Variants in EIF2B3 observed in about 807,000 individuals in gnomAD.
EIF2B3 encodes eukaryotic translation initiation factor 2B subunit gamma.
EIF2B3 carries 20 observed loss-of-function variants against 54.1 expected under a neutral mutation model. That is an observed-to-expected ratio of 0.37 (90% CI 0.26 to 0.54). The LOEUF (loss-of-function observed/expected upper bound fraction) is 0.54. EIF2B3 is among the 20% of genes least tolerant of loss of function. EIF2B3 has a pLI of 0.86. For missense variants in EIF2B3, 448 were observed against 547.8 expected, an observed-to-expected ratio of 0.82 and a Z score of 1.82; for synonymous variants, 153 against 188.1, an observed-to-expected ratio of 0.81 and a Z score of 1.52.
At chr1:44,877,204 A>C (rs1286048511) in intron 8 of EIF2B3, among the ~76,000 whole-genome samples, 21 of 147,330 alleles carry the variant, frequency 1.4e-4, no homozygotes, top group African/African-American at 4.5e-4. Context: ...AAAAAAAAAA[A>C]AAAAAAAAAA....
chr1:44,953,254 TG>T (rs1644187748), intron 3 of EIF2B3, among the ~76,000 whole-genome samples: 1 of 149,692 alleles, frequency 6.7e-6, no homozygotes, highest in Non-Finnish European at 1.5e-5. Flanking sequence ...AATTTTTCAT[TG>T]AAAAAAAAGA....
intron 1 of EIF2B3, among the ~76,000 whole-genome samples, chr1:44,985,576 C>T (rs147500176): frequency 2.0e-5 from 3 of 152,328 alleles, no homozygotes; most frequent in East Asian, 3.9e-4. Flanking sequence ...GTGAACTTCA[C>T]AACTGTATAA....
chr1:44,923,679 T>C (rs934235619), intron 5 of EIF2B3, among the ~76,000 whole-genome samples: 1 of 152,166 alleles, frequency 6.6e-6, no homozygotes, highest in Non-Finnish European at 1.5e-5. Flanking sequence ...TAGAAATCCA[T>C]GTTCTAATTC....
At chr1:44,946,444 C>T (rs1644102814) in intron 3 of EIF2B3, among the ~76,000 whole-genome samples, 1 of 140,322 alleles carries the variant, frequency 7.1e-6, no homozygotes, top group Non-Finnish European at 1.5e-5. Flanking sequence ...TTCATAATAC[C>T]TTTTTTTTTT....
chr1:44,974,964 C>T (rs768531720), intron 3 of EIF2B3, among the ~76,000 whole-genome samples: 1 of 151,494 alleles, frequency 6.6e-6, no homozygotes, highest in African/African-American at 2.4e-5. Flanking sequence ...CCTGTTATCC[C>T]AGCACTTTAG....
chr1:44,937,871 G>C (rs1643970624), intron 4 of EIF2B3, among the ~76,000 whole-genome samples: 1 of 112,268 alleles, frequency 8.9e-6, no homozygotes, highest in Non-Finnish European at 1.7e-5. Flanking sequence ...GCGACAGAGC[G>C]AGACTCCGTC....
chr1:44,966,907 C>T (rs1218366945), intron 3 of EIF2B3, among the ~76,000 whole-genome samples: 3 of 151,994 alleles, frequency 2.0e-5, no homozygotes, highest in East Asian at 1.9e-4. Context: ...CCGCAACCTC[C>T]GTGTCCCAGG....
Position 44,897,378 on chromosome 1 carries a change from G to A in EIF2B3, c.633C>T (p.Ile211=), listed in dbSNP as rs139526549. 2,938 of 1,613,472 alleles carry A rather than the reference G, an allele frequency of 1.8e-3. 75 individuals are homozygous for A. The South Asian group carries it at 0.029, about 16-fold the overall frequency. Residue 211 remains isoleucine, a synonymous_variant, in exon 6 of 12, where the codon ATC becomes ATT. Transcript: ENST00000360403. ...DAHLYCLKKY[I]VDFLMENGSI... Reference sequence around the variant, plus strand: ...ACCCATTTTCCATTAGGAAATCCACGATGTATTTTTTCAAACAGTAGAGGT... The same window carrying A: ...ACCCATTTTCCATTAGGAAATCCACAATGTATTTTTTCAAACAGTAGAGGT...
At chr1:44,982,550 G>A (rs759577384) in intron 1 of EIF2B3, among the ~76,000 whole-genome samples, 5 of 152,064 alleles carry the variant, frequency 3.3e-5, no homozygotes, top group African/African-American at 4.8e-5. Flanking sequence ...CACCGGAGTC[G>A]GCCTCCCAAA....
chr1:44,963,914 T>C (rs531468775), intron 3 of EIF2B3, among the ~76,000 whole-genome samples: 1 of 152,210 alleles, frequency 6.6e-6, no homozygotes, highest in South Asian at 2.1e-4. Context: ...GGAAGGAAAA[T>C]GACTTAAAAG....
At chr1:44,912,660 A>G (rs1302789057) in intron 5 of EIF2B3, among the ~76,000 whole-genome samples, 1 of 152,166 alleles carries the variant, frequency 6.6e-6, no homozygotes, top group Non-Finnish European at 1.5e-5. Flanking sequence ...AGTCTGAATT[A>G]TTCTATTCTG....
rs1654247084 is a variant in EIF2B3, at chr1:44,850,859, TTATTGGGAAATA to T, written c.*80_*91del. 1 of 1,462,722 alleles carries T rather than the reference TTATTGGGAAATA, an allele frequency of 6.8e-7. No individual in the cohort carries two copies. The highest frequency in any genetic ancestry group is 9.6e-7 in the Non-Finnish European group (1 of 1,043,752). 90.6% of individuals were successfully genotyped at this position (1,462,722 alleles called of 1,614,324 possible). A position where few individuals can be genotyped will look rare whatever the true frequency, so the allele number is the denominator to read the frequency against. ...CCAGCATGCCTTTGGAAGCCCTTCTTTATTGGGAAATAAATACAGAGTTAAACAGGTGGGCCG... is the reference window on the plus strand; with the variant it reads ...CCAGCATGCCTTTGGAAGCCCTTCTTAATACAGAGTTAAACAGGTGGGCCG... On this transcript the variant is annotated 3_prime_UTR_variant, in exon 12 of 12. Coordinates refer to ENST00000360403, the MANE Select transcript of EIF2B3 (RefSeq NM_020365.5).
At chr1:44,878,937 T>C (rs1183237878) in intron 8 of EIF2B3, among the ~76,000 whole-genome samples, 2 of 151,924 alleles carry the variant, frequency 1.3e-5, no homozygotes, top group East Asian at 1.9e-4. Flanking sequence ...TTTTGTAGTA[T>C]TTTTGTAGAG....
At chr1:44,958,983 G>C in intron 3 of EIF2B3, 1 of 753,614 alleles carries the variant, frequency 1.3e-6, no homozygotes, top group Non-Finnish European at 2.4e-6. Context: ...GAAAGGGGAA[G>C]TCACCTCCAT....
intron 5 of EIF2B3, among the ~76,000 whole-genome samples, chr1:44,914,711 C>T (rs759626293): frequency 9.2e-5 from 14 of 152,032 alleles, no homozygotes; most frequent in South Asian, 6.2e-4. Flanking sequence ...TTTTTTGAGA[C>T]GGAGTCTCGC....
At chr1:44,915,535 A>T in intron 5 of EIF2B3, among the ~76,000 whole-genome samples, 1 of 151,914 alleles carries the variant, frequency 6.6e-6, no homozygotes, top group East Asian at 1.9e-4. Flanking sequence ...CGAATTAAAA[A>T]AAAATATTTA....
chr1:44,859,236 G>A (rs980432833), intron 10 of EIF2B3, among the ~76,000 whole-genome samples: 3 of 152,222 alleles, frequency 2.0e-5, no homozygotes, highest in Non-Finnish European at 4.4e-5. Context: ...AGGAGGTAGA[G>A]GCTGCAGTGA....
rs917493126 is a variant in EIF2B3 at position 44,860,501 on chromosome 1, T to TAA, written c.1203-2696_1203-2695dup. ...AGTACTATTTTTATCTCTGATGCAC[T>TAA]AAAAAAGAGCAACCACATTTTGCAG... On this transcript the variant is annotated intron_variant, in intron 10 of 11. Transcript: ENST00000360403. Among the ~76,000 whole-genome samples, 15 of 152,148 alleles carry TAA rather than the reference T, an allele frequency of 9.9e-5. 1 individual carries two copies. The highest frequency in any genetic ancestry group is 3.4e-4 in the African/African-American group (14 of 41,430).
intron 4 of EIF2B3, among the ~76,000 whole-genome samples, chr1:44,938,574 C>T (rs772827093): frequency 2.6e-5 from 4 of 151,890 alleles, no homozygotes; most frequent in African/African-American, 7.3e-5. Flanking sequence ...CTCGACATCC[C>T]GGGCTCAAGT....
Sources: allele counts gnomAD v4.1 joint callset (sites outside exome capture counted in the v4.1 genomes callset), GRCh38; gene constraint gnomAD v4.1.1; transcripts MANE v1.5; gene names NCBI Gene and HGNC (gene_info 2026-07-23, HGNC 2026-07-21).